The following ANK3 variants were observed in gnomAD, a reference collection of about 807,000 sequenced individuals.
ANK3 encodes ankyrin-3.
A neutral mutation model predicts 370.9 loss-of-function variants in ANK3; 57 were observed. The observed-to-expected ratio is 0.15, with a 90% CI of 0.12 to 0.19. The LOEUF is 0.19. Among genes scored for constraint, ANK3 ranks in the 10% least tolerant of loss-of-function variants. The probability of loss-of-function intolerance (pLI) is 1.00; values close to 1 mark genes in which losing one functional copy is unlikely to be tolerated. For missense variants in ANK3, 4,439 were observed against 5,302.1 expected (o/e 0.84, Z 5.06); for synonymous variants, 1,929 against 1,946.3 (o/e 0.99, Z 0.23).
At chr10:60,444,218 G>T (rs1236181318) in intron 2 of ANK3, among the ~76,000 whole-genome samples, 1 of 151,468 alleles carries the variant, frequency 6.6e-6, no homozygotes, top group African/African-American at 2.4e-5. Flanking sequence ...ACTGATTATG[G>T]TATCAGAATT....
intron 2 of ANK3, among the ~76,000 whole-genome samples, chr10:60,588,277 C>T (rs2077861531): frequency 1.3e-5 from 2 of 150,674 alleles, no homozygotes; most frequent in African/African-American, 2.4e-5. Flanking sequence ...CTCTGCCTCC[C>T]GGGTTCAAGC....
chr10:60,041,270 TC>T (rs551493871), intron 43 of ANK3, among the ~76,000 whole-genome samples: 6 of 152,186 alleles, frequency 3.9e-5, no homozygotes, highest in Non-Finnish European at 8.8e-5. Flanking sequence ...CTTAGTGGTT[TC>T]CCACTGCTTT....
At chr10:60,226,564 C>CATAGTATATATACT (rs2097162701) in intron 8 of ANK3, among the ~76,000 whole-genome samples, 1 of 25,856 alleles carries the variant, frequency 3.9e-5, no homozygotes, top group Non-Finnish European at 6.9e-5. Flanking sequence ...AGTATATATA[C>CATAGTATATATACT]ATAGTATATG....
At chr10:60,296,031 C>T (rs140454798) in intron 1 of ANK3, among the ~76,000 whole-genome samples, 4 of 152,242 alleles carry the variant, frequency 2.6e-5, no homozygotes, top group East Asian at 3.9e-4. Flanking sequence ...GGCCTAACAC[C>T]TCCGAAGAGA....
intron 1 of ANK3, among the ~76,000 whole-genome samples, chr10:60,339,792 G>A (rs1298447497): frequency 1.3e-5 from 2 of 152,176 alleles, no homozygotes; most frequent in Admixed American, 6.5e-5. Context: ...AGGAATTACT[G>A]GAGCGGCAAG....
intron 23 of ANK3, among the ~76,000 whole-genome samples, chr10:60,142,626 A>G (rs1423646355): frequency 6.6e-6 from 1 of 151,982 alleles, no homozygotes; most frequent in East Asian, 1.9e-4. Context: ...AGTTTCCATT[A>G]TTCTTTAGCC....
intron 28 of ANK3, among the ~76,000 whole-genome samples, chr10:60,095,011 G>A (rs543991235): frequency 2.3e-4 from 35 of 152,348 alleles, no homozygotes; most frequent in Middle Eastern, 6.8e-3. Context: ...CTGGAGAGAG[G>A]CCCCAAGGGG....
At chr10:60,363,973 T>A (rs10821742) in intron 1 of ANK3, among the ~76,000 whole-genome samples, 14 of 40,118 alleles carry the variant, frequency 3.5e-4, no homozygotes, top group Admixed American at 9.9e-4. Flanking sequence ...GAGAAGTGTT[T>A]TTTTTTTTTT....
At chr10:60,112,347 T>C (rs1318918608) in intron 26 of ANK3, among the ~76,000 whole-genome samples, 8 of 151,532 alleles carry the variant, frequency 5.3e-5, no homozygotes, top group Admixed American at 1.3e-4. Context: ...AGTTTCCTTC[T>C]TGAATCTGAT....
intron 7 of ANK3, among the ~76,000 whole-genome samples, chr10:60,252,073 TCTTG>T (rs566209310): frequency 2.8e-4 from 42 of 152,366 alleles, no homozygotes; most frequent in African/African-American, 9.4e-4. Flanking sequence ...TCTTAGAACT[TCTTG>T]CTTAAGTTTG....
intron 1 of ANK3, among the ~76,000 whole-genome samples, chr10:60,721,938 CT>C (rs1247628616): frequency 2.6e-5 from 4 of 152,140 alleles, no homozygotes; most frequent in Non-Finnish European, 5.9e-5. Context: ...GCAGAAGTGA[CT>C]TTGCCAAGTG....
At chr10:60,364,970 C>T (rs2059192563) in intron 1 of ANK3, among the ~76,000 whole-genome samples, 1 of 151,248 alleles carries the variant, frequency 6.6e-6, no homozygotes, top group Non-Finnish European at 1.5e-5. Context: ...AATTACCACA[C>T]ACTTAAATGT....
chr10:60,122,986 A>G (rs2093580493), intron 25 of ANK3, among the ~76,000 whole-genome samples: 1 of 152,196 alleles, frequency 6.6e-6, no homozygotes, highest in African/African-American at 2.4e-5. Context: ...GCATCAGTTC[A>G]ATGGTAAGGA....
At position 60,606,246 on chromosome 10, in the gene ANK3, G is replaced by C. The variant is rs140232826; in HGVS notation, c.96+8940C>G. ...CTGAATTAGAAAAATAATAAACACA[G>C]TTATAAATTTGGGTTGAGGAACATT... is the stretch of plus-strand genomic sequence containing the variant. On this transcript the variant is annotated intron_variant, in intron 2 of 43. Coordinates refer to the ANK3 transcript ENST00000373827. Among the ~76,000 whole-genome samples the C allele has an allele frequency of 5.0e-3, 762 of 152,180 alleles. 3 individuals carry two copies. Among genetic ancestry groups the C allele is most frequent in the African/African-American group, 0.014 (592 of 41,534 alleles).
intron 2 of ANK3, among the ~76,000 whole-genome samples, chr10:60,557,869 T>C (rs1159662990): frequency 6.6e-6 from 1 of 152,216 alleles, no homozygotes; most frequent in Non-Finnish European, 1.5e-5. Flanking sequence ...ATTGTTGTTA[T>C]TAAATATAAT....
chr10:60,242,120 G>A (rs538518572), intron 7 of ANK3, among the ~76,000 whole-genome samples: 1 of 151,818 alleles, frequency 6.6e-6, no homozygotes. Context: ...CTTCCACCTC[G>A]ATTTTCAGAC....
chr10:60,082,140 T>C lies in ANK3; in HGVS notation c.4350+10A>G. 1 of 1,607,082 alleles carries C rather than the reference T, an allele frequency of 6.2e-7. No individual in the cohort carries two copies. The highest frequency in any genetic ancestry group is 8.5e-7 in the Non-Finnish European group (1 of 1,175,744). ...TTCTGATAGAATAAAAGCAGAAGTG[T>C]TTATATTACCTCATCATCTTGATCT... is the stretch of plus-strand genomic sequence containing the variant. On this transcript the variant is annotated intron_variant, in intron 35 of 43. Transcript: ENST00000280772.
chr10:60,429,376 CAAGGAGAAA>C (rs1416992274), intron 2 of ANK3, among the ~76,000 whole-genome samples: 1 of 151,748 alleles, frequency 6.6e-6, no homozygotes, highest in African/African-American at 2.4e-5. Context: ...GAAAGAAAGG[CAAGGAGAAA>C]AAGGGGGAAA....
At chr10:60,595,293 A>G (rs138650149) in intron 2 of ANK3, among the ~76,000 whole-genome samples, 1 of 152,146 alleles carries the variant, frequency 6.6e-6, no homozygotes. Context: ...TTACTACTCA[A>G]ATCAGCTTCC....
Sources: gnomAD v4.1 joint callset for allele counts (sites outside exome capture counted in the v4.1 genomes callset) on GRCh38, gnomAD v4.1.1 for gene constraint, MANE v1.5 for transcripts, NCBI Gene and HGNC (gene_info 2026-07-23, HGNC 2026-07-21) for gene names.